The following TUT4 variants were observed in gnomAD, a reference collection of about 807,000 sequenced individuals.
TUT4 encodes terminal uridylyl transferase 4.
A neutral mutation model predicts 192.2 loss-of-function variants in TUT4; 36 were observed. The observed-to-expected ratio is 0.19, with a 90% confidence interval of 0.14 to 0.25. The LOEUF is 0.25. Ranked by LOEUF, TUT4 falls within the 10% of genes least tolerant of loss-of-function variation. The pLI is 1.00. For synonymous variants in TUT4, 618 were observed against 666.0 expected, an observed-to-expected ratio of 0.93 and a Z score of 1.11; for missense variants, 1,493 against 1,957.2, an observed-to-expected ratio of 0.76 and a Z score of 4.47.
chr1:52,440,781 G>A (rs1655288279), intron 24 of TUT4, among the ~76,000 whole-genome samples: 1 of 152,108 alleles, frequency 6.6e-6, no homozygotes, highest in Non-Finnish European at 1.5e-5. Context: ...TGACAAAATT[G>A]AAGATGTAAT....
rs181567424 is a variant in TUT4, at chr1:52,500,352, G to A, written c.1000-3169C>T. ...ACCTAAATGTCAGAAACTAAAACTA[G>A]GCCAGGTATAGTGGCTCACAGTTGT... is the stretch of plus-strand genomic sequence containing the variant. On this transcript the variant is annotated intron_variant, in intron 4 of 29. Transcript: ENST00000257177. Among the ~76,000 whole-genome samples, 340 of 152,242 alleles carry A rather than the reference G, an allele frequency of 2.2e-3. 1 individual carries two copies. The highest frequency in any genetic ancestry group is 8.0e-3 in the African/African-American group (332 of 41,542).
Position 52,513,393 on chromosome 1 carries a change from C to CAAAAAAA in TUT4, c.882+2491_882+2497dup, listed in dbSNP as rs554170439. Reference sequence around the variant, plus strand: ...GGGCAACCAGAATGAGACCCTGTCTCAAAAAAAAAAAAAAAAAAAAAGTAC... The same window carrying CAAAAAAA: ...GGGCAACCAGAATGAGACCCTGTCTCAAAAAAAAAAAAAAAAAAAAAAAAAAAAGTAC... On this transcript the variant is annotated intron_variant, in intron 3 of 29. Coordinates refer to ENST00000257177, the MANE Select transcript of TUT4 (RefSeq NM_001009881.3). Among the ~76,000 whole-genome samples, 13 of 42,068 alleles carry CAAAAAAA rather than the reference C, an allele frequency of 3.1e-4. 1 individual carries two copies. The highest frequency in any genetic ancestry group is 8.7e-4 in the African/African-American group (5 of 5,754). 27.6% of individuals were successfully genotyped at this position (42,068 alleles called of 152,430 possible).
intron 27 of TUT4, chr1:52,434,169 T>C (rs1440418649): frequency 6.6e-6 from 1 of 152,240 alleles, no homozygotes; most frequent in Non-Finnish European, 1.5e-5. Flanking sequence ...GGTATTCAAG[T>C]GTTTGAGGTG....
At position 52,497,017 on chromosome 1, in the gene TUT4, G is replaced by T; in HGVS notation, c.1166C>A (p.Thr389Lys). The change falls in exon 5 of 30, where the codon ACA becomes AAA. Residue 389 changes from threonine to lysine, a missense_variant. Thr to Lys is a moderately conservative substitution (Grantham distance 78). Coordinates refer to ENST00000257177, the MANE Select transcript of TUT4 (RefSeq NM_001009881.3). ...IVEEMSKVIT[T>K]FLPECSLRLY... is the part of the protein sequence containing the mutation. ...AAATGTATTTCTACCTGGTAAAAAT[G>T]TCGTTATAACCTTTGACATTTCCTC... 6.2e-7 allele frequency: 1 copy of T among 1,611,692 alleles called. No individual in the cohort carries two copies. Among genetic ancestry groups the T allele is most frequent in the Non-Finnish European group, 8.5e-7 (1 of 1,179,398 alleles).
intron 2 of TUT4, among the ~76,000 whole-genome samples, chr1:52,520,736 C>T (rs1231970581): frequency 1.3e-5 from 2 of 152,102 alleles, no homozygotes; most frequent in Non-Finnish European, 2.9e-5. Flanking sequence ...TATGTCGTTC[C>T]TATTTCATTT....
At chr1:52,521,235 A>C (rs1680188131) in intron 2 of TUT4, among the ~76,000 whole-genome samples, 1 of 152,214 alleles carries the variant, frequency 6.6e-6, no homozygotes, top group Non-Finnish European at 1.5e-5. Context: ...TGTAGTGGAC[A>C]CCAAAAAACA....
rs1342227676 is a variant in TUT4, at chr1:52,436,759, C to T, written c.4158G>A (p.Val1386=). ...TGTTTGGCCTTTTCTATTTACCTGC[C>T]ACACTGCTATTCCTCTGACGGGCCA... ...VKLARQRNSS[V]AAAQLVRNLV... The change falls in exon 26 of 30, where the codon GTG becomes GTA. Residue 1386 remains valine (V), a synonymous_variant. Transcript: ENST00000257177. The T allele has an allele frequency of 1.2e-6, 2 of 1,613,014 alleles. No homozygotes were observed. The highest frequency in any genetic ancestry group is 2.7e-5 in the African/African-American group (2 of 74,880).
At chr1:52,480,883 T>C (rs1466073452) in intron 11 of TUT4, among the ~76,000 whole-genome samples, 3 of 152,166 alleles carry the variant, frequency 2.0e-5, no homozygotes, top group African/African-American at 2.4e-5. Flanking sequence ...TAATTCAATA[T>C]AGCTAGAGCA....
intron 9 of TUT4, among the ~76,000 whole-genome samples, chr1:52,488,101 C>G (rs1670250342): frequency 3.9e-5 from 6 of 152,198 alleles, no homozygotes; most frequent in Admixed American, 3.9e-4. Flanking sequence ...GTTTCGTACT[C>G]AGCCAGCTGG....
chr1:52,467,604 T>C (rs1277096679), intron 15 of TUT4, among the ~76,000 whole-genome samples: 1 of 152,200 alleles, frequency 6.6e-6, no homozygotes, highest in African/African-American at 2.4e-5. Flanking sequence ...TGTCATTTAT[T>C]AACTAAAAAT....
intron 11 of TUT4, 26 bp from the exon 12 acceptor site, chr1:52,477,908 T>G (rs1570736719): frequency 7.7e-6 from 12 of 1,563,434 alleles, no homozygotes; most frequent in Admixed American, 2.0e-5. Context: ...TACTTTTCAT[T>G]TAAGCTTAAC....
chr1:52,495,560 A>T, intron 5 of TUT4, 45 bp from the exon 6 acceptor site: 1 of 1,440,382 alleles, frequency 6.9e-7, no homozygotes, highest in Non-Finnish European at 9.6e-7. Flanking sequence ...GCATGCAAAT[A>T]TGAGAGATGT....
intron 1 of TUT4, chr1:52,530,025 T>A (rs1682918891): frequency 6.6e-6 from 1 of 152,148 alleles, no homozygotes; most frequent in Non-Finnish European, 1.5e-5. Context: ...GTATTTTTTG[T>A]AGAGACAGGA....
chr1:52,445,519 C>T (rs1177474219), intron 24 of TUT4, among the ~76,000 whole-genome samples: 1 of 152,100 alleles, frequency 6.6e-6, no homozygotes, highest in Non-Finnish European at 1.5e-5. Flanking sequence ...TATGTATGTA[C>T]TGGAAATAGG....
At chr1:52,425,111 C>A (rs1649400558) in intron 29 of TUT4, 2 of 362,472 alleles carry the variant, frequency 5.5e-6, no homozygotes, top group Non-Finnish European at 4.9e-6. Flanking sequence ...GCAATGTTAA[C>A]TGATTCATCT....
intron 1 of TUT4, among the ~76,000 whole-genome samples, chr1:52,547,958 G>A (rs562655700): frequency 5.9e-5 from 9 of 152,068 alleles, no homozygotes; most frequent in Admixed American, 5.2e-4. Context: ...TATACTAAAA[G>A]CCACTGAATT....
intron 24 of TUT4, among the ~76,000 whole-genome samples, chr1:52,441,078 A>G (rs1655369329): frequency 6.6e-6 from 1 of 152,202 alleles, no homozygotes; most frequent in African/African-American, 2.4e-5. Context: ...GAAGACTCAA[A>G]GTAGACAGAA....
chr1:52,542,761 A>ATT (rs1175638486), intron 1 of TUT4, among the ~76,000 whole-genome samples: 52 of 147,532 alleles, frequency 3.5e-4, no homozygotes, highest in African/African-American at 1.2e-3. Context: ...TTATTTATTT[A>ATT]TTTATTTATT....
At chr1:52,534,577 G>T (rs1337874843) in intron 1 of TUT4, among the ~76,000 whole-genome samples, 1 of 151,786 alleles carries the variant, frequency 6.6e-6, no homozygotes, top group Non-Finnish European at 1.5e-5. Flanking sequence ...TTAGGGCCAG[G>T]CACGGTGCTT....
Sources: allele counts gnomAD v4.1 joint callset (sites outside exome capture counted in the v4.1 genomes callset), GRCh38; gene constraint gnomAD v4.1.1; transcripts MANE v1.5; gene names NCBI Gene and HGNC (gene_info 2026-07-23, HGNC 2026-07-21).